CD226: variants seen among roughly 807,000 people sequenced by gnomAD.
CD226 encodes CD226 molecule, also known as CD226 antigen.
In CD226, 24 loss-of-function variants were observed where a neutral mutation model predicts 34.9. That is an observed-to-expected ratio of 0.69 (90% CI 0.50 to 0.97). The LOEUF is 0.97. Among genes scored for constraint, CD226 ranks in the 50% least tolerant of loss-of-function variants. CD226 has a pLI of 0.00. For synonymous variants in CD226, 148 were observed against 147.4 expected (o/e 1.00, Z -0.03); for missense variants, 397 against 412.7 (o/e 0.96, Z 0.33).
intron 2 of CD226, among the ~76,000 whole-genome samples, chr18:69,946,531 G>A (rs954951969): frequency 1.3e-5 from 2 of 152,106 alleles, no homozygotes; most frequent in African/African-American, 2.4e-5. Flanking sequence ...ACTTCTACTC[G>A]GACACAACAG....
chr18:69,892,828 G>A (rs531299811), intron 3 of CD226, among the ~76,000 whole-genome samples: 1 of 152,206 alleles, frequency 6.6e-6, no homozygotes, highest in East Asian at 1.9e-4. Context: ...CTCTCTTTTA[G>A]ATCCAATACT....
intron 2 of CD226, among the ~76,000 whole-genome samples, chr18:69,933,588 G>A (rs546918355): frequency 2.0e-5 from 3 of 152,152 alleles, no homozygotes; most frequent in African/African-American, 4.8e-5. Context: ...TTTACATGGC[G>A]TATAGGCATA....
chr18:69,922,343 G>A (rs573690589), intron 2 of CD226, among the ~76,000 whole-genome samples: 12 of 152,294 alleles, frequency 7.9e-5, no homozygotes, highest in Admixed American at 3.9e-4. Flanking sequence ...GTCCAGTGGT[G>A]CGATCATAGC....
intron 2 of CD226, among the ~76,000 whole-genome samples, chr18:69,914,418 A>C (rs1055332703): frequency 3.3e-5 from 5 of 152,220 alleles, no homozygotes; most frequent in African/African-American, 1.2e-4. Context: ...CAAGAGGAGA[A>C]TATTTATTTT....
chr18:69,902,406 A>G (rs184597923), intron 2 of CD226, among the ~76,000 whole-genome samples: 21 of 152,030 alleles, frequency 1.4e-4, no homozygotes, highest in African/African-American at 4.6e-4. Flanking sequence ...CAAGACTGCA[A>G]ATGTCATCAG....
At chr18:69,933,210 G>A (rs1218349175) in intron 2 of CD226, among the ~76,000 whole-genome samples, 2 of 152,172 alleles carry the variant, frequency 1.3e-5, no homozygotes, top group Non-Finnish European at 2.9e-5. Flanking sequence ...GTAGGGTCAT[G>A]GCTCCCAATC....
At chr18:69,955,369 C>A (rs1232136160) in intron 1 of CD226, among the ~76,000 whole-genome samples, 4 of 152,204 alleles carry the variant, frequency 2.6e-5, no homozygotes, top group African/African-American at 7.2e-5. Flanking sequence ...TGATACCTTT[C>A]GACACTTGCT....
chr18:69,900,598 G>A (rs1457545109), intron 2 of CD226, among the ~76,000 whole-genome samples: 6 of 151,016 alleles, frequency 4.0e-5, no homozygotes, highest in Admixed American at 3.3e-4. Context: ...CGGGCGCGGT[G>A]GCGGGCGCCT....
At chr18:69,884,709 C>T (rs769599908) in intron 3 of CD226, among the ~76,000 whole-genome samples, 1 of 152,128 alleles carries the variant, frequency 6.6e-6, no homozygotes, top group African/African-American at 2.4e-5. Context: ...TTTGTTTTTC[C>T]TTTGGATAAA....
At position 69,922,284 on chromosome 18, in the gene CD226, C is replaced by T. The variant is rs572907402; in HGVS notation, c.382+24450G>A. Among the ~76,000 whole-genome samples, 4 of 152,112 alleles carry T rather than the reference C, an allele frequency of 2.6e-5. No homozygotes were observed. The South Asian group carries it at 6.2e-4, about 24-fold the overall frequency. ...GTATTTGTTGAATGTCTATAATTTT[C>T]GTTTGTTTATTTTTTGAGATAGGGT... On this transcript the variant is annotated intron_variant, in intron 2 of 5. Coordinates refer to ENST00000582621, the MANE Select transcript of CD226 (RefSeq NM_001303618.2).
intron 2 of CD226, among the ~76,000 whole-genome samples, chr18:69,929,242 G>A (rs1044969634): frequency 6.6e-6 from 1 of 152,182 alleles, no homozygotes; most frequent in Non-Finnish European, 1.5e-5. Flanking sequence ...AAATGTGTTG[G>A]TCAAATGAAA....
In CD226 at chr18:69,864,200, C is replaced by G; in HGVS notation, c.*114G>C. 2 of 854,684 alleles carry G rather than the reference C, an allele frequency of 2.3e-6. No individual in the cohort carries two copies. Among genetic ancestry groups the G allele is most frequent in the Non-Finnish European group, 3.6e-6 (2 of 548,038 alleles). The allele number at this position is 854,684 out of a possible 1,614,324, so 52.9% of individuals were successfully genotyped here. A position where few individuals can be genotyped will look rare whatever the true frequency, so the allele number is the denominator to read the frequency against. On this transcript the variant is annotated 3_prime_UTR_variant, in exon 6 of 6. Transcript: ENST00000582621. ...AAGTATTTTTCCTATCAAAGTAACTCAATTCAGACAACTAGTATCTAAGGT... is the reference window on the plus strand; with the variant it reads ...AAGTATTTTTCCTATCAAAGTAACTGAATTCAGACAACTAGTATCTAAGGT...
chr18:69,932,050 A>C (rs1322437612), intron 2 of CD226, among the ~76,000 whole-genome samples: 2 of 152,088 alleles, frequency 1.3e-5, no homozygotes, highest in African/African-American at 4.8e-5. Flanking sequence ...GTCATATTGG[A>C]TTAGATCCCA....
chr18:69,959,258 G>C (rs189707662), upstream of CD226, among the ~76,000 whole-genome samples: 2 of 152,276 alleles, frequency 1.3e-5, no homozygotes, highest in East Asian at 3.9e-4. Context: ...CTAACCAGCA[G>C]AACAAATGGA....
At chr18:69,878,630 T>C (rs1984023597) in intron 3 of CD226, among the ~76,000 whole-genome samples, 1 of 152,194 alleles carries the variant, frequency 6.6e-6, no homozygotes, top group South Asian at 2.1e-4. Context: ...CCTGACTCTC[T>C]AACATCAAGC....
chr18:69,886,250 C>T (rs1337305583), intron 3 of CD226, among the ~76,000 whole-genome samples: 3 of 152,196 alleles, frequency 2.0e-5, no homozygotes, highest in African/African-American at 2.4e-5. Context: ...AGTCAGGCTG[C>T]TGTGACAAGT....
chr18:69,865,146 C>G (rs142661582), intron 5 of CD226, among the ~76,000 whole-genome samples: 1 of 152,022 alleles, frequency 6.6e-6, no homozygotes, highest in Non-Finnish European at 1.5e-5. Context: ...AGCACCATCA[C>G]GCCCAGCTAA....
intron 2 of CD226, among the ~76,000 whole-genome samples, chr18:69,900,432 T>C (rs151099384): frequency 1.3e-5 from 2 of 152,132 alleles, no homozygotes; most frequent in Non-Finnish European, 2.9e-5. Context: ...AACCTAAAAG[T>C]TTTTTTAAAA....
At chr18:69,864,742 A>G (rs1983032311) in intron 5 of CD226, among the ~76,000 whole-genome samples, 1 of 152,200 alleles carries the variant, frequency 6.6e-6, no homozygotes, top group African/African-American at 2.4e-5. Flanking sequence ...TATCATTTTT[A>G]TATGGAAATT....
Sources: allele counts gnomAD v4.1 joint callset (sites outside exome capture counted in the v4.1 genomes callset), GRCh38; gene constraint gnomAD v4.1.1; transcripts MANE v1.5; gene names NCBI Gene and HGNC (gene_info 2026-07-23, HGNC 2026-07-21).